GAREM1: variants seen among roughly 807,000 people sequenced by gnomAD.
GAREM1 encodes the protein GRB2-associated and regulator of MAPK protein 1.
A neutral mutation model predicts 71.3 loss-of-function variants in GAREM1; 26 were observed. That is an observed-to-expected ratio of 0.36 (90% confidence interval 0.27 to 0.51). The LOEUF (loss-of-function observed/expected upper bound fraction) is 0.51, where lower values mean the gene tolerates loss of function less well. Among genes scored for constraint, GAREM1 ranks in the 20% least tolerant of loss-of-function variants. The probability of loss-of-function intolerance (pLI) is 0.95; values close to 1 mark genes in which losing one functional copy is unlikely to be tolerated. For missense variants in GAREM1, 1,026 were observed against 1,103.1 expected (o/e 0.93, Z 0.99); for synonymous variants, 440 against 433.2 (o/e 1.02, Z -0.20).
intron 3 of GAREM1, among the ~76,000 whole-genome samples, chr18:32,304,506 G>A (rs1017655476): frequency 4.6e-5 from 7 of 152,132 alleles, no homozygotes; most frequent in African/African-American, 1.7e-4. Flanking sequence ...TATAGTTTCT[G>A]CTACAACTAC....
At chr18:32,328,119 T>A (rs923169876) in intron 2 of GAREM1, among the ~76,000 whole-genome samples, 27 of 152,254 alleles carry the variant, frequency 1.8e-4, no homozygotes, top group Non-Finnish European at 2.9e-4. Context: ...TGTATTACTC[T>A]GTTCAAAGCA....
At chr18:32,447,574 A>G (rs925919709) in intron 1 of GAREM1, among the ~76,000 whole-genome samples, 36 of 152,206 alleles carry the variant, frequency 2.4e-4, no homozygotes, top group Admixed American at 2.4e-3. Context: ...GGTGAAGTCT[A>G]GAAAACTATT....
In GAREM1 at chr18:32,470,640, G is replaced by A. The variant is rs1326182007; in HGVS notation, c.-212C>T. Among the ~76,000 whole-genome samples the A allele has an allele frequency of 1.3e-5, 2 of 148,634 alleles. No individual in the cohort carries two copies. The highest frequency in any genetic ancestry group is 4.9e-5 in the African/African-American group (2 of 41,004). ...CAGCTGCCGCTGCGGGGCATGGCTGGGGCGCCCCGCGTGCCCTCACGCCCG... is the reference window on the plus strand; with the variant it reads ...CAGCTGCCGCTGCGGGGCATGGCTGAGGCGCCCCGCGTGCCCTCACGCCCG... On this transcript the variant is annotated 5_prime_UTR_variant, in exon 1 of 6. Transcript: ENST00000269209. The surrounding 1 kb of genome is among the most constrained non-coding windows in gnomAD (Gnocchi z 4.4).
intron 1 of GAREM1, among the ~76,000 whole-genome samples, chr18:32,422,393 C>A (rs1300049642): frequency 6.6e-6 from 1 of 152,080 alleles, no homozygotes; most frequent in African/African-American, 2.4e-5. Context: ...CTCCCTTGGC[C>A]CTGGTACACC....
At chr18:32,451,726 A>G (rs968429810) in intron 1 of GAREM1, among the ~76,000 whole-genome samples, 5 of 151,976 alleles carry the variant, frequency 3.3e-5, no homozygotes, top group African/African-American at 1.2e-4. Context: ...GACCAGAATA[A>G]CCCTTGTTAA....
Position 32,275,158 on chromosome 18 carries a change from A to G in GAREM1, c.1567-4775T>C, listed in dbSNP as rs540959577. 1.8e-4 allele frequency among the ~76,000 whole-genome samples: 28 copies of G among 152,288 alleles called. No homozygotes were observed. In the South Asian group the frequency reaches 4.1e-3, roughly 23 times the overall value. On this transcript the variant is annotated intron_variant, in intron 4 of 5. Transcript: ENST00000269209. ...CAACTCTACCACCACCCTTTGACACAGTGTCATGGTGAAAATGACAGTGAC... is the reference window on the plus strand; with the variant it reads ...CAACTCTACCACCACCCTTTGACACGGTGTCATGGTGAAAATGACAGTGAC...
intron 1 of GAREM1, among the ~76,000 whole-genome samples, chr18:32,419,230 C>G (rs1425994120): frequency 2.6e-5 from 4 of 152,144 alleles, no homozygotes; most frequent in Non-Finnish European, 5.9e-5. Context: ...CTTCTGTGAC[C>G]AACTAGGGAA....
intron 2 of GAREM1, among the ~76,000 whole-genome samples, chr18:32,346,456 A>G (rs1342223196): frequency 2.0e-5 from 3 of 152,224 alleles, no homozygotes; most frequent in Non-Finnish European, 2.9e-5. Context: ...TATAAAGTGA[A>G]TCCTCTTATA....
chr18:32,359,879 T>C (rs890249778), intron 2 of GAREM1, among the ~76,000 whole-genome samples: 29 of 151,932 alleles, frequency 1.9e-4, no homozygotes, highest in African/African-American at 6.5e-4. Context: ...TGAGCTGTGA[T>C]TGCACCACCA....
intron 2 of GAREM1, among the ~76,000 whole-genome samples, chr18:32,379,091 A>G (rs1003653372): frequency 2.0e-5 from 3 of 152,108 alleles, no homozygotes; most frequent in African/African-American, 7.2e-5. Flanking sequence ...GACCTTGGCT[A>G]AGGTCCCAAA....
chr18:32,306,468 C>T (rs2047257325), intron 3 of GAREM1, among the ~76,000 whole-genome samples: 1 of 141,204 alleles, frequency 7.1e-6, no homozygotes, highest in African/African-American at 2.8e-5. Context: ...CAGCAACCCC[C>T]CCCACCCACT....
At chr18:32,303,032 G>T (rs1776705439) in intron 3 of GAREM1, among the ~76,000 whole-genome samples, 1 of 152,158 alleles carries the variant, frequency 6.6e-6, no homozygotes. Flanking sequence ...TTCTGAAGAG[G>T]TCTAGGCAGG....
At chr18:32,319,923 C>T (rs1047472569) in intron 2 of GAREM1, among the ~76,000 whole-genome samples, 4 of 152,168 alleles carry the variant, frequency 2.6e-5, no homozygotes, top group Admixed American at 2.0e-4. Flanking sequence ...GATAGACACC[C>T]ACATTTATTC....
At chr18:32,412,198 A>G (rs1162836771) in intron 1 of GAREM1, 1 of 1,559,746 alleles carries the variant, frequency 6.4e-7, no homozygotes, top group Non-Finnish European at 8.7e-7. Flanking sequence ...CTCTCCTGCT[A>G]AGCTTTGTTT....
rs2041399683 is a variant in GAREM1 at position 32,268,057 on chromosome 18, T to C, written c.2445A>G (p.Glu815=). The C allele has an allele frequency of 6.2e-7, 1 of 1,614,070 alleles. No individual in the cohort carries two copies. Among genetic ancestry groups the C allele is most frequent in the Non-Finnish European group, 8.5e-7 (1 of 1,180,036 alleles). Residue 815 remains glutamate (E), a synonymous_variant, in exon 6 of 6, where the codon GAA becomes GAG. Coordinates refer to ENST00000269209, the MANE Select transcript of GAREM1 (RefSeq NM_001242409.2). ...CAATGAACCGTAGTGACTTGGACAC[T>C]TCCTCTATAGAGAGTCCTGATAGGT... is the stretch of plus-strand genomic sequence containing the variant. ...PADLSGLSIE[E]VSKSLRFIGL...
At chr18:32,440,667 T>C (rs1402124780) in intron 1 of GAREM1, among the ~76,000 whole-genome samples, 1 of 152,214 alleles carries the variant, frequency 6.6e-6, no homozygotes, top group Non-Finnish European at 1.5e-5. Flanking sequence ...TGCCTGTGCA[T>C]ACCCATAGAA....
intron 1 of GAREM1, among the ~76,000 whole-genome samples, chr18:32,468,237 T>C (rs2049016570): frequency 6.6e-6 from 1 of 152,190 alleles, no homozygotes; most frequent in Non-Finnish European, 1.5e-5. Context: ...CATCACAATT[T>C]TTAATAGCAC....
intron 2 of GAREM1, among the ~76,000 whole-genome samples, chr18:32,344,179 T>A (rs769298061): frequency 3.9e-5 from 6 of 152,104 alleles, no homozygotes; most frequent in African/African-American, 7.2e-5. Context: ...TCACTCCCAG[T>A]CCCCAACTGT....
At chr18:32,394,545 G>A (rs1165931803) in intron 1 of GAREM1, among the ~76,000 whole-genome samples, 1 of 152,196 alleles carries the variant, frequency 6.6e-6, no homozygotes, top group Non-Finnish European at 1.5e-5. Context: ...TACATTAGCA[G>A]AAGGGGGAGA....
Sources: allele counts gnomAD v4.1 joint callset (sites outside exome capture counted in the v4.1 genomes callset), GRCh38; gene constraint gnomAD v4.1.1; non-coding constraint Gnocchi (gnomAD v3.1); transcripts MANE v1.5; gene names NCBI Gene and HGNC (gene_info 2026-07-23, HGNC 2026-07-21).